Variants in USP33 observed in about 807,000 individuals in gnomAD.
USP33 encodes ubiquitin carboxyl-terminal hydrolase 33.
Under a neutral mutation model 124.2 loss-of-function variants are expected in USP33, and 46 were observed. The observed-to-expected ratio is 0.37, with a 90% CI of 0.29 to 0.47. The LOEUF (loss-of-function observed/expected upper bound fraction) is 0.47, where lower values mean the gene tolerates loss of function less well. USP33 is among the 20% of genes least tolerant of loss of function. The pLI is 0.99. For missense variants in USP33, 851 were observed against 1,070.6 expected (o/e 0.79, Z 2.86); for synonymous variants, 350 against 352.3 (o/e 0.99, Z 0.07).
chr1:77,742,835 C>T (rs1679281672), intron 1 of USP33, among the ~76,000 whole-genome samples: 1 of 152,128 alleles, frequency 6.6e-6, no homozygotes, highest in Non-Finnish European at 1.5e-5. Flanking sequence ...ATAAACCATG[C>T]AGGTCTATGT....
chr1:77,756,104 A>G (rs527883519), intron 1 of USP33, among the ~76,000 whole-genome samples: 7 of 152,152 alleles, frequency 4.6e-5, no homozygotes, highest in African/African-American at 1.4e-4. Context: ...ATCCCTCCTT[A>G]CTTTTTTCAT....
intron 1 of USP33, among the ~76,000 whole-genome samples, chr1:77,757,361 G>C (rs1216795208): frequency 2.0e-5 from 3 of 152,128 alleles, no homozygotes; most frequent in African/African-American, 7.2e-5. Flanking sequence ...TTAACCTTCT[G>C]AACATTTGAC....
At chr1:77,747,370 G>A (rs775121022) in intron 1 of USP33, among the ~76,000 whole-genome samples, 6 of 150,232 alleles carry the variant, frequency 4.0e-5, no homozygotes, top group South Asian at 2.1e-4. Context: ...TTCCACTGCC[G>A]CAGCCTTCCA....
At chr1:77,747,914 C>A (rs754129000) in intron 1 of USP33, among the ~76,000 whole-genome samples, 1 of 152,272 alleles carries the variant, frequency 6.6e-6, no homozygotes, top group South Asian at 2.1e-4. Context: ...TTTATTAAAT[C>A]TGCACATATA....
intron 1 of USP33, among the ~76,000 whole-genome samples, chr1:77,751,351 T>A (rs1440582972): frequency 6.6e-6 from 1 of 152,160 alleles, no homozygotes; most frequent in Non-Finnish European, 1.5e-5. Context: ...TGCATTAAAG[T>A]AAATGCAAAA....
chr1:77,721,323 AT>A (rs1557834903), intron 14 of USP33, 118 bp from the exon 15 acceptor site: 8 of 1,084,852 alleles, frequency 7.4e-6, no homozygotes, highest in Admixed American at 2.3e-5. Context: ...ACAAGGTTCC[AT>A]TTTTTTAATC....
At chr1:77,697,774 A>T in intron 23 of USP33, 89 bp downstream of exon 23, 1 of 1,297,404 alleles carries the variant, frequency 7.7e-7, no homozygotes, top group African/African-American at 1.5e-5. Flanking sequence ...TCAGTTGAAT[A>T]AAAAAGTACT....
intron 9 of USP33, among the ~76,000 whole-genome samples, chr1:77,729,491 C>T (rs143076486): frequency 1.1e-4 from 16 of 151,192 alleles, no homozygotes; most frequent in African/African-American, 3.6e-4. Flanking sequence ...GCCAACATGA[C>T]GAAACCCTAT....
chr1:77,757,892 G>A (rs528985804), intron 1 of USP33, among the ~76,000 whole-genome samples: 1 of 152,240 alleles, frequency 6.6e-6, no homozygotes, highest in South Asian at 2.1e-4. Flanking sequence ...GTAAGTGAAA[G>A]GTCACAGAAA....
intron 21 of USP33, among the ~76,000 whole-genome samples, chr1:77,710,559 A>G (rs912774350): frequency 2.0e-5 from 3 of 152,226 alleles, no homozygotes; most frequent in Non-Finnish European, 4.4e-5. Context: ...AAATAAATAA[A>G]TCTATACCTG....
intron 1 of USP33, among the ~76,000 whole-genome samples, chr1:77,752,970 C>G (rs1439489669): frequency 6.6e-6 from 1 of 151,834 alleles, no homozygotes; most frequent in Non-Finnish European, 1.5e-5. Flanking sequence ...TCCTAGCTAG[C>G]TGGGAGGCTG....
intron 7 of USP33, among the ~76,000 whole-genome samples, chr1:77,731,044 T>C (rs114245919): frequency 7.3e-4 from 111 of 152,308 alleles, no homozygotes; most frequent in African/African-American, 2.6e-3. Context: ...TTTCCTACTT[T>C]TCCTCTTTAG....
chr1:77,742,915 A>AT (rs1679291433), intron 1 of USP33, among the ~76,000 whole-genome samples: 1 of 147,622 alleles, frequency 6.8e-6, no homozygotes, highest in African/African-American at 2.5e-5. Flanking sequence ...TCTGCCTTTT[A>AT]TTATTTATTT....
intron 6 of USP33, among the ~76,000 whole-genome samples, chr1:77,735,526 A>G (rs1678339695): frequency 6.6e-6 from 1 of 152,222 alleles, no homozygotes; most frequent in Non-Finnish European, 1.5e-5. Flanking sequence ...CCAAAGTGTT[A>G]ATTTCCAGAT....
In USP33 at chr1:77,728,510, C is replaced by T. The variant is rs748745470; in HGVS notation, c.920G>A (p.Cys307Tyr). ...TGTTTCATTATTATCTTCAGAAAAG[C>T]ATCTAGAGCCATTTTCATTTTCTGC... Reference protein sequence around the residue: ...DRAENENGSRCFSEDNNETTM... With the variant: ...DRAENENGSRYFSEDNNETTM... The change falls in exon 10 of 24, where the codon TGC (cysteine) becomes TAC (tyrosine). Residue 307 changes from cysteine to tyrosine, a missense_variant. Cys to Tyr is a radical substitution (Grantham distance 194, BLOSUM62 -2). This residue lies in a region of USP33 where 207 missense variants were observed against 200.9 expected (regional missense o/e 1.03). Transcript: ENST00000370794. 1 of 1,614,120 alleles carries T rather than the reference C, an allele frequency of 6.2e-7. No individual in the cohort carries two copies. Among genetic ancestry groups the T allele is most frequent in the South Asian group, 1.1e-5 (1 of 91,086 alleles).
intron 6 of USP33, among the ~76,000 whole-genome samples, chr1:77,735,110 G>T (rs372855717): frequency 6.9e-6 from 1 of 145,102 alleles, no homozygotes; most frequent in East Asian, 2.0e-4. Context: ...GCAACAGAGC[G>T]AGACTCCATC....
intron 5 of USP33, 66 bp from the exon 6 acceptor site, chr1:77,736,224 A>G: frequency 9.7e-7 from 1 of 1,033,202 alleles, no homozygotes; most frequent in Non-Finnish European, 1.4e-6. Flanking sequence ...TTTAATTGTA[A>G]CTTATATAAC....
In USP33 at chr1:77,715,756, G is replaced by A. The variant is rs772041090; in HGVS notation, c.2031C>T (p.Tyr677=). Residue 677 remains tyrosine (Y), a synonymous_variant, in exon 18 of 24, where the codon TAC becomes TAT. Coordinates refer to ENST00000370794, the MANE Select transcript of USP33 (RefSeq NM_201624.3). ...SESTVQNAEA[Y]VLFYRKSSEE... is the part of the protein sequence containing the mutation. ...ATTTCCATTACCTATAGAAAAGAACGTAAGCTTCTGCATTTTGTACAGTAG... is the reference window on the plus strand; with the variant it reads ...ATTTCCATTACCTATAGAAAAGAACATAAGCTTCTGCATTTTGTACAGTAG... 6.2e-7 allele frequency: 1 copy of A among 1,613,216 alleles called. No individual in the cohort carries two copies. Among genetic ancestry groups the A allele is most frequent in the Non-Finnish European group, 8.5e-7 (1 of 1,179,764 alleles).
chr1:77,712,018 C>G (rs374520352), intron 20 of USP33, among the ~76,000 whole-genome samples, 163 bp from the exon 21 acceptor site: 1 of 152,158 alleles, frequency 6.6e-6, no homozygotes, highest in African/African-American at 2.4e-5. Flanking sequence ...TTATTAAGGT[C>G]AGTGACTTTA....
Sources: allele counts gnomAD v4.1 joint callset (sites outside exome capture counted in the v4.1 genomes callset), GRCh38; gene constraint gnomAD v4.1.1; regional missense constraint gnomAD v4.1.1; transcripts MANE v1.5; gene names NCBI Gene and HGNC (gene_info 2026-07-23, HGNC 2026-07-21).